PTK2: variants seen among roughly 807,000 people sequenced by gnomAD.
The protein encoded by PTK2 is focal adhesion kinase 1.
PTK2 carries 45 observed loss-of-function variants against 150.1 expected under a neutral mutation model. That is an observed-to-expected ratio of 0.30 (90% CI 0.24 to 0.38). PTK2 has a LOEUF of 0.38. PTK2 is among the 10% of genes least tolerant of loss of function. The pLI, the probability that PTK2 is intolerant of heterozygous loss-of-function variation, is 1.00. For missense variants in PTK2, 919 were observed against 1,307.3 expected (o/e 0.70, Z 4.58); for synonymous variants, 432 against 449.2 (o/e 0.96, Z 0.48).
At chr8:140,756,903 G>A (rs2100066164) in intron 16 of PTK2, among the ~76,000 whole-genome samples, 1 of 151,108 alleles carries the variant, frequency 6.6e-6, no homozygotes, top group East Asian at 2.0e-4. Context: ...GCAGGAGAAT[G>A]GCGTGAACCC....
At chr8:140,973,609 T>G (rs572641911) in intron 1 of PTK2, among the ~76,000 whole-genome samples, 1 of 152,244 alleles carries the variant, frequency 6.6e-6, no homozygotes, top group African/African-American at 2.4e-5. Context: ...AACCACATAA[T>G]CAACCATGTA....
At position 140,876,984 on chromosome 8, in the gene PTK2, GTCATCA is replaced by G. The variant is rs533223478; in HGVS notation, c.362+2481_362+2486del. ...CAGTTTATCTGTCACATTTTCTTCT[GTCATCA>G]TCTCTACCTACTATGCATGTAACTT... On this transcript the variant is annotated intron_variant, in intron 4 of 31. Coordinates refer to ENST00000522684, the Ensembl canonical transcript of PTK2. 1.9e-3 allele frequency among the ~76,000 whole-genome samples: 267 copies of G among 139,018 alleles called. 3 individuals are homozygous for G. The highest frequency in any genetic ancestry group is 3.0e-3 in the Non-Finnish European group (194 of 65,526). The allele number at this position is 139,018 out of a possible 152,430, so 91.2% of individuals were successfully genotyped here. A position where few individuals can be genotyped will look rare whatever the true frequency, so the allele number is the denominator to read the frequency against.
intron 14 of PTK2, chr8:140,771,361 C>T (rs1378963980): frequency 6.6e-6 from 1 of 152,228 alleles, no homozygotes; most frequent in Non-Finnish European, 1.5e-5. Flanking sequence ...CATTTGCTCA[C>T]TCATTCATGT....
At chr8:140,702,592 G>C (rs752542898) in exon 25 of PTK2, 1 of 1,613,500 alleles carries the variant, frequency 6.2e-7, no homozygotes, top group South Asian at 1.1e-5. Flanking sequence ...CTGCCACATT[G>C]CTATCTCCTG....
chr8:140,801,438 G>T (rs1164588999), intron 11 of PTK2, among the ~76,000 whole-genome samples: 1 of 152,140 alleles, frequency 6.6e-6, no homozygotes, highest in African/African-American at 2.4e-5. Flanking sequence ...AATCACTGTT[G>T]CCTGTTGATT....
intron 7 of PTK2, among the ~76,000 whole-genome samples, chr8:140,841,253 C>A (rs2100122163): frequency 6.6e-6 from 1 of 152,086 alleles, no homozygotes; most frequent in African/African-American, 2.4e-5. Flanking sequence ...AATAGACACA[C>A]AGATGCTCAC....
chr8:140,801,828 G>A (rs546524581), intron 11 of PTK2, among the ~76,000 whole-genome samples: 6 of 152,146 alleles, frequency 3.9e-5, no homozygotes, highest in Admixed American at 1.3e-4. Flanking sequence ...ATGATGGTCC[G>A]CATATACAAT....
intron 1 of PTK2, among the ~76,000 whole-genome samples, chr8:140,936,519 A>G (rs570221798): frequency 6.6e-6 from 1 of 152,014 alleles, no homozygotes; most frequent in African/African-American, 2.4e-5. Flanking sequence ...GACTCACTGC[A>G]CCCGACCAAT....
At chr8:140,847,301 C>G (rs769944977) in intron 5 of PTK2, among the ~76,000 whole-genome samples, 5 of 152,134 alleles carry the variant, frequency 3.3e-5, no homozygotes, top group Non-Finnish European at 7.4e-5. Context: ...AGTGATTAAT[C>G]TGCAAAGTAA....
exon 20 of PTK2, chr8:140,743,319 G>T: frequency 6.2e-7 from 1 of 1,612,512 alleles, no homozygotes. Context: ...AACATTCCGA[G>T]CAGCAATGTC....
At chr8:140,702,682 C>T in exon 25 of PTK2, 1 of 1,613,982 alleles carries the variant, frequency 6.2e-7, no homozygotes. Flanking sequence ...GGCTGTGATT[C>T]CATGTGAACC....
At chr8:140,763,278 G>A (rs2100070360) in intron 15 of PTK2, among the ~76,000 whole-genome samples, 1 of 152,050 alleles carries the variant, frequency 6.6e-6, no homozygotes, top group African/African-American at 2.4e-5. Flanking sequence ...CTTCCTCAAT[G>A]TATACAGAAA....
chr8:140,781,997 C>G (rs1045117528), intron 14 of PTK2, among the ~76,000 whole-genome samples: 3 of 152,058 alleles, frequency 2.0e-5, no homozygotes, highest in African/African-American at 7.2e-5. Flanking sequence ...TCATGCACAA[C>G]ACGATCAGCC....
chr8:140,772,004 G>T (rs1165499417), intron 14 of PTK2, among the ~76,000 whole-genome samples: 3 of 151,332 alleles, frequency 2.0e-5, no homozygotes, highest in Non-Finnish European at 2.9e-5. Flanking sequence ...GGCTAGGTTG[G>T]TCTCAAATTC....
At position 140,944,787 on chromosome 8, in the gene PTK2, T is replaced by C. The variant is rs1421110661; in HGVS notation, c.-121-19038A>G. The stretch of plus-strand genomic sequence containing the variant: ...ACCATCCATGAGAAGTCCCATGCAT[T>C]TACACAAAAAGTACTCTAGAGTTTG... On this transcript the variant is annotated intron_variant, in intron 1 of 31. Coordinates refer to ENST00000522684, the Ensembl canonical transcript of PTK2. 2.0e-5 allele frequency among the ~76,000 whole-genome samples: 3 copies of C among 152,124 alleles called. No homozygotes were observed. In the East Asian group the frequency reaches 5.8e-4, roughly 29 times the overall value.
intron 7 of PTK2, among the ~76,000 whole-genome samples, chr8:140,845,147 T>C (rs944138007): frequency 3.9e-5 from 6 of 152,128 alleles, no homozygotes; most frequent in Admixed American, 1.3e-4. Flanking sequence ...TTTTCAATCT[T>C]CTTTAATGAA....
chr8:140,745,922 C>T (rs2100058415), intron 18 of PTK2, among the ~76,000 whole-genome samples: 1 of 151,606 alleles, frequency 6.6e-6, no homozygotes, highest in Admixed American at 6.6e-5. Context: ...AGTGCTTGAA[C>T]CTGGGAGGCG....
chr8:140,831,766 T>C (rs924441265), intron 7 of PTK2, among the ~76,000 whole-genome samples: 6 of 152,242 alleles, frequency 3.9e-5, no homozygotes, highest in African/African-American at 1.4e-4. Flanking sequence ...TAGCCACTTT[T>C]GTTTGTAACT....
At chr8:140,797,090 T>C (rs1462638164) in intron 12 of PTK2, among the ~76,000 whole-genome samples, 6 of 152,118 alleles carry the variant, frequency 3.9e-5, no homozygotes, top group Non-Finnish European at 8.8e-5. Context: ...AGAGTACTCC[T>C]AAACTGTCTT....
Sources: allele counts gnomAD v4.1 joint callset (sites outside exome capture counted in the v4.1 genomes callset), GRCh38; gene constraint gnomAD v4.1.1; transcripts MANE v1.5; gene names NCBI Gene and HGNC (gene_info 2026-07-23, HGNC 2026-07-21).